The following CNTNAP2 variants were observed in gnomAD, a reference collection of about 807,000 sequenced individuals.
The protein encoded by CNTNAP2 is contactin-associated protein-like 2.
In CNTNAP2, 98 loss-of-function variants were observed where a neutral mutation model predicts 155.2. That is an observed-to-expected ratio of 0.63 (90% CI 0.54 to 0.75). The LOEUF (loss-of-function observed/expected upper bound fraction) is 0.75, where lower values mean the gene tolerates loss of function less well. Ranked by LOEUF, CNTNAP2 falls within the 30% of genes least tolerant of loss-of-function variation. The probability of loss-of-function intolerance (pLI) is 0.00; values close to 1 mark genes in which losing one functional copy is unlikely to be tolerated. For missense variants in CNTNAP2, 1,727 were observed against 1,688.1 expected, an observed-to-expected ratio of 1.02 and a Z score of -0.40; for synonymous variants, 651 against 631.2, an observed-to-expected ratio of 1.03 and a Z score of -0.47.
intron 8 of CNTNAP2, among the ~76,000 whole-genome samples, chr7:147,174,986 A>C (rs1802308560): frequency 6.6e-6 from 1 of 152,206 alleles, no homozygotes; most frequent in African/African-American, 2.4e-5. Flanking sequence ...CGCCGACTCC[A>C]TCATAATGAG....
intron 13 of CNTNAP2, among the ~76,000 whole-genome samples, chr7:147,711,994 A>G (rs2373172): frequency 0.99 from 150,003 of 152,236 alleles, 73,915 homozygotes; most frequent in East Asian, 1. Context: ...AAGATCCTCC[A>G]CAATCTGGCT....
chr7:146,342,371 A>G (rs1006379705), intron 1 of CNTNAP2, among the ~76,000 whole-genome samples: 10 of 152,182 alleles, frequency 6.6e-5, no homozygotes, highest in African/African-American at 2.4e-4. Flanking sequence ...AAGCTCTTCA[A>G]AAATACCACA....
intron 1 of CNTNAP2, among the ~76,000 whole-genome samples, chr7:146,673,968 A>G (rs1800352979): frequency 6.6e-6 from 1 of 152,184 alleles, no homozygotes; most frequent in Admixed American, 6.5e-5. Flanking sequence ...TAACCCTACT[A>G]AAACCTTTAT....
At chr7:146,430,459 C>T (rs192740172) in intron 1 of CNTNAP2, among the ~76,000 whole-genome samples, 4 of 151,932 alleles carry the variant, frequency 2.6e-5, no homozygotes, top group East Asian at 3.9e-4. Flanking sequence ...TAGTCTTTAT[C>T]GAATCTTTCA....
intron 13 of CNTNAP2, among the ~76,000 whole-genome samples, chr7:147,807,254 T>C (rs547336793): frequency 1.7e-4 from 25 of 146,266 alleles, no homozygotes; most frequent in African/African-American, 3.1e-4. Context: ...ACCCAGGAGA[T>C]TGAGGCTTCA....
At chr7:146,642,916 A>T (rs1052981158) in intron 1 of CNTNAP2, among the ~76,000 whole-genome samples, 8 of 151,728 alleles carry the variant, frequency 5.3e-5, no homozygotes, top group Admixed American at 1.3e-4. Context: ...CCAGTGATGA[A>T]GAGCATTGTT....
chr7:148,412,561 A>G (rs986580), intron 23 of CNTNAP2, among the ~76,000 whole-genome samples: 88,959 of 152,088 alleles, frequency 0.58, 26,722 homozygotes, highest in African/African-American at 0.67. Flanking sequence ...GCCTTCTGTG[A>G]CCTTGCTAAA....
chr7:147,004,477 A>C (rs771063607), intron 3 of CNTNAP2, among the ~76,000 whole-genome samples: 17 of 152,000 alleles, frequency 1.1e-4, no homozygotes, highest in Non-Finnish European at 1.8e-4. Context: ...TTAAACAAAA[A>C]CATGACACTT....
chr7:146,660,626 T>G (rs960973437), intron 1 of CNTNAP2, among the ~76,000 whole-genome samples: 8 of 152,226 alleles, frequency 5.3e-5, no homozygotes, highest in Non-Finnish European at 1.5e-5. Context: ...TATAACACTA[T>G]CTCAATAAAT....
At position 146,315,616 on chromosome 7, in the gene CNTNAP2, C is replaced by G. The variant is rs540281404; in HGVS notation, c.97+198643C>G. On this transcript the variant is annotated intron_variant, in intron 1 of 23. Coordinates refer to ENST00000361727, the MANE Select transcript of CNTNAP2 (RefSeq NM_014141.6). Reference sequence around the variant, plus strand: ...GGAGGGAGCATCAAGAGTCTCCTCTCTGCCACCTTGCTGACTTCCTGTGTT... The same window carrying G: ...GGAGGGAGCATCAAGAGTCTCCTCTGTGCCACCTTGCTGACTTCCTGTGTT... 2.0e-5 allele frequency among the ~76,000 whole-genome samples: 3 copies of G among 152,310 alleles called. No homozygotes were observed. The East Asian group carries it at 5.8e-4, about 29-fold the overall frequency.
chr7:146,954,158 A>G (rs765310712), intron 3 of CNTNAP2, among the ~76,000 whole-genome samples: 3 of 151,964 alleles, frequency 2.0e-5, no homozygotes, highest in Non-Finnish European at 2.9e-5. Flanking sequence ...TGCCTTTGCA[A>G]TAAAATCGTG....
At chr7:146,811,888 C>A (rs1348729904) in intron 2 of CNTNAP2, among the ~76,000 whole-genome samples, 1 of 152,112 alleles carries the variant, frequency 6.6e-6, no homozygotes, top group Non-Finnish European at 1.5e-5. Context: ...TCTTGCTGCC[C>A]TGTGAAGAAG....
chr7:148,105,591 T>A (rs899230068), intron 15 of CNTNAP2, among the ~76,000 whole-genome samples: 10 of 113,468 alleles, frequency 8.8e-5, no homozygotes, highest in African/African-American at 6.0e-4. Flanking sequence ...TTTTATTTTT[T>A]TTTTTTATTT....
intron 15 of CNTNAP2, among the ~76,000 whole-genome samples, chr7:147,991,408 C>T (rs1801708259): frequency 6.6e-6 from 1 of 152,166 alleles, no homozygotes; most frequent in African/African-American, 2.4e-5. Context: ...AAAACTTGCA[C>T]AGACAATAAT....
At chr7:147,344,930 T>G (rs1795826473) in intron 9 of CNTNAP2, among the ~76,000 whole-genome samples, 1 of 152,164 alleles carries the variant, frequency 6.6e-6, no homozygotes, top group Non-Finnish European at 1.5e-5. Context: ...GTATGTGTCA[T>G]GTAGCTTTTT....
rs1798986753 is a variant in CNTNAP2 at position 148,377,656 on chromosome 7, A to G, written c.3476-5993A>G. ...CCTGTTTACACTATGAAGCTGAAAA[A>G]CAAACTTTGACTATAGCTAACTATG... is the stretch of plus-strand genomic sequence containing the variant. On this transcript the variant is annotated intron_variant, in intron 21 of 23. Transcript: ENST00000361727. 3.0e-5 allele frequency among the ~76,000 whole-genome samples: 2 copies of G among 66,862 alleles called. 1 individual carries two copies. The highest frequency in any genetic ancestry group is 8.4e-4 in the South Asian group (2 of 2,394). The allele number at this position is 66,862 out of a possible 152,430, so 43.9% of individuals were successfully genotyped here. A position where few individuals can be genotyped will look rare whatever the true frequency, so the allele number is the denominator to read the frequency against.
At chr7:147,204,921 T>C (rs762584879) in intron 8 of CNTNAP2, among the ~76,000 whole-genome samples, 2 of 152,138 alleles carry the variant, frequency 1.3e-5, no homozygotes, top group Non-Finnish European at 2.9e-5. Flanking sequence ...TTGCCTTGTT[T>C]AACATATTAA....
chr7:146,207,029 A>G (rs1218130894), intron 1 of CNTNAP2, among the ~76,000 whole-genome samples: 1 of 151,972 alleles, frequency 6.6e-6, no homozygotes, highest in African/African-American at 2.4e-5. Context: ...CTCTCAAAAA[A>G]CAACATTGGC....
chr7:146,803,699 A>G (rs868139445), intron 2 of CNTNAP2, among the ~76,000 whole-genome samples: 2 of 152,246 alleles, frequency 1.3e-5, no homozygotes, highest in Non-Finnish European at 2.9e-5. Context: ...ATCATGAAAT[A>G]TTAAAAGAAT....
Sources: gnomAD v4.1 joint callset for allele counts (sites outside exome capture counted in the v4.1 genomes callset) on GRCh38, gnomAD v4.1.1 for gene constraint, MANE v1.5 for transcripts, NCBI Gene and HGNC (gene_info 2026-07-23, HGNC 2026-07-21) for gene names.